The following ENOSF1 variants were observed in gnomAD, a reference collection of about 807,000 sequenced individuals.
ENOSF1 encodes mitochondrial enolase superfamily member 1.
In ENOSF1, 73 loss-of-function variants were observed where a neutral mutation model predicts 68.2. The ratio of observed to expected loss-of-function variants is 1.07; its 90% CI spans 0.89 to 1.30. The LOEUF (loss-of-function observed/expected upper bound fraction) is 1.30. Among genes scored for constraint, ENOSF1 ranks in the 50% most tolerant of loss-of-function variants. The pLI is 0.00. For missense variants in ENOSF1, 589 were observed against 554.5 expected (o/e 1.06, Z -0.62); for synonymous variants, 223 against 210.4 (o/e 1.06, Z -0.52).
Position 674,081 on chromosome 18 carries a change from G to A in ENOSF1, c.*224C>T. 5 of 404,530 alleles carry A rather than the reference G, an allele frequency of 1.2e-5. No individual in the cohort carries two copies. In the South Asian group the frequency reaches 2.0e-4, roughly 16 times the overall value. 25.1% of individuals were successfully genotyped at this position (404,530 alleles called of 1,614,324 possible). The stretch of plus-strand genomic sequence containing the variant: ...TGTAAGAACATCCTCCTGGACTTTG[G>A]GTTAGTTAAATCTAAACTTATTTAA... On this transcript the variant is annotated 3_prime_UTR_variant, in exon 16 of 16. Transcript: ENST00000647584.
intron 8 of ENOSF1, among the ~76,000 whole-genome samples, chr18:689,670 A>T (rs2076956128): frequency 6.6e-6 from 1 of 152,180 alleles, no homozygotes; most frequent in Admixed American, 6.6e-5. Flanking sequence ...GAAGGAATAT[A>T]TATTTTGTCT....
chr18:694,291 A>ACGGC lies in ENOSF1; in HGVS notation c.349_352dup (p.Val118GlyfsTer41), dbSNP rs1330766128. 1.2e-6 allele frequency: 2 copies of ACGGC among 1,614,158 alleles called. No individual in the cohort carries two copies. Among genetic ancestry groups the ACGGC allele is most frequent in the Admixed American group, 1.7e-5 (1 of 60,022 alleles). Reference sequence around the variant, plus strand: ...CCACAAGTCCCACACCGCGTTTAGGACGGCCGCTGTCGCCAGGTGCACCAC... The same window carrying ACGGC: ...CCACAAGTCCCACACCGCGTTTAGGACGGCCGGCCGCTGTCGCCAGGTGCACCAC... On this transcript the variant is annotated frameshift_variant, in exon 4 of 16. Transcript: ENST00000647584. LOFTEE classifies it high-confidence loss of function.
At chr18:702,155 C>G in intron 2 of ENOSF1, among the ~76,000 whole-genome samples, 1 of 145,178 alleles carries the variant, frequency 6.9e-6, no homozygotes, top group Non-Finnish European at 1.5e-5. Context: ...TCCCAGCTAC[C>G]TGGGAGGCTG....
intron 1 of ENOSF1, among the ~76,000 whole-genome samples, chr18:707,316 T>A (rs1436683690): frequency 6.6e-6 from 1 of 152,194 alleles, no homozygotes; most frequent in Non-Finnish European, 1.5e-5. Flanking sequence ...TGAGCCATCA[T>A]GCCCGGAAGG....
At chr18:705,448 A>G (rs914928608) in intron 2 of ENOSF1, among the ~76,000 whole-genome samples, 3 of 152,238 alleles carry the variant, frequency 2.0e-5, no homozygotes, top group Non-Finnish European at 4.4e-5. Context: ...CTTGCTGGGT[A>G]GCTGTCTGTG....
In ENOSF1 at chr18:671,324, A is replaced by C; in HGVS notation, c.*2981T>G. The C allele has an allele frequency of 8.9e-7, 1 of 1,117,644 alleles. No homozygotes were observed. Among genetic ancestry groups the C allele is most frequent in the Non-Finnish European group, 1.4e-6 (1 of 728,466 alleles). 69.2% of individuals were successfully genotyped at this position (1,117,644 alleles called of 1,614,324 possible). ...CTGCATATTCTAATGTTTTTAAATG[A>C]TGTTTTAAAGAATTGAAACTAACAT... is the stretch of plus-strand genomic sequence containing the variant. On this transcript the variant is annotated 3_prime_UTR_variant, in exon 16 of 16. Transcript: ENST00000647584.
downstream of ENOSF1, among the ~76,000 whole-genome samples, chr18:667,269 TGATGGTGATGG>T (rs1441303780): frequency 0.019 from 311 of 16,280 alleles, 54 homozygotes; most frequent in South Asian, 0.034. Context: ...ATGGAGATGG[TGATGGTGATGG>T]GATGGTGATG....
the ENOSF1 span, among the ~76,000 whole-genome samples, chr18:664,629 ATTCAGT>A: frequency 1.4e-5 from 2 of 141,126 alleles, no homozygotes; most frequent in African/African-American, 5.6e-5. Context: ...GTTTTTGCCC[ATTCAGT>A]ATGATATTGG....
chr18:700,956 G>GA (rs927470655), intron 2 of ENOSF1, among the ~76,000 whole-genome samples: 8 of 126,542 alleles, frequency 6.3e-5, no homozygotes, highest in East Asian at 2.3e-4. Context: ...ACTTGGAAAA[G>GA]AAAAAAAAGG....
At chr18:696,264 T>C (rs2077716864) in intron 3 of ENOSF1, among the ~76,000 whole-genome samples, 1 of 143,136 alleles carries the variant, frequency 7.0e-6, no homozygotes, top group Admixed American at 7.4e-5. Flanking sequence ...CAGGCTGGAG[T>C]GCAGTGGTGC....
Position 677,973 on chromosome 18 carries a change from TC to T in ENOSF1, c.919-102del, listed in dbSNP as rs111795835. The T allele has an allele frequency of 2.1e-4, 284 of 1,359,376 alleles. 1 individual carries two copies. The African/African-American group carries it at 3.5e-3, about 17-fold the overall frequency. The allele number at this position is 1,359,376 out of a possible 1,614,324, so 84.2% of individuals were successfully genotyped here. ...GCCACTCTATGCCAATAATTATTCA[TC>T]AGTGGCCGTCAGGAAGCCCAGACTG... On this transcript the variant is annotated intron_variant, in intron 12 of 15. Transcript: ENST00000647584.
At position 708,449 on chromosome 18, in the gene ENOSF1, T is replaced by C. The variant is rs778476173; in HGVS notation, c.85-1871A>G. Among the ~76,000 whole-genome samples, 10 of 152,142 alleles carry C rather than the reference T, an allele frequency of 6.6e-5. 1 individual carries two copies. The highest frequency in any genetic ancestry group is 6.5e-5 in the Admixed American group (1 of 15,270). Reference sequence around the variant, plus strand: ...ACTTTGGGAGGCCAAGACAGGAGGATTGTTTGAGCCCAGGAGTTCGAGACT... The same window carrying C: ...ACTTTGGGAGGCCAAGACAGGAGGACTGTTTGAGCCCAGGAGTTCGAGACT... On this transcript the variant is annotated intron_variant, in intron 1 of 15. Transcript: ENST00000647584.
intron 2 of ENOSF1, among the ~76,000 whole-genome samples, chr18:705,598 T>C (rs2847605): frequency 0.87 from 132,240 of 152,228 alleles, 57,503 homozygotes; most frequent in South Asian, 0.95. Context: ...GACGTATACA[T>C]GGCTCAGTAT....
chr18:674,440 A>T lies in ENOSF1; in HGVS notation c.1231-34T>A, dbSNP rs11081251. ...GACCAAAAAAATGAGTCCTGTTAAC[A>T]ACCACCTGGAACAAAAACAGATTTT... On this transcript the variant is annotated intron_variant, in intron 15 of 15. Coordinates refer to ENST00000647584, the MANE Select transcript of ENOSF1 (RefSeq NM_017512.7). 2.2e-6 allele frequency: 3 copies of T among 1,373,064 alleles called. No individual in the cohort carries two copies. The African/African-American group carries it at 4.3e-5, about 20-fold the overall frequency. The allele number at this position is 1,373,064 out of a possible 1,614,324, so 85.1% of individuals were successfully genotyped here. A position where few individuals can be genotyped will look rare whatever the true frequency, so the allele number is the denominator to read the frequency against.
At position 685,971 on chromosome 18, in the gene ENOSF1, T is replaced by C. The variant is rs376011327; in HGVS notation, c.691A>G (p.Met231Val). 11 of 1,614,062 alleles carry C rather than the reference T, an allele frequency of 6.8e-6. No homozygotes were observed. The South Asian group carries it at 7.7e-5, about 11-fold the overall frequency. Residue 231 changes from methionine (M) to valine (V), a missense_variant, in exon 10 of 16, where the codon ATG becomes GTG. Met to Val is a conservative substitution (Grantham distance 21). Transcript: ENST00000647584. ...VKVGADLQDD[M>V]RRCQIIRDMI... Reference sequence around the variant, plus strand: ...TCTCGGATGATTTGGCATCTTCGCATGTCATCCTGGAGATCAGCACCCACC... The same window carrying C: ...TCTCGGATGATTTGGCATCTTCGCACGTCATCCTGGAGATCAGCACCCACC...
At chr18:676,719 C>T (rs543096380) in intron 14 of ENOSF1, among the ~76,000 whole-genome samples, 4 of 152,332 alleles carry the variant, frequency 2.6e-5, no homozygotes, top group African/African-American at 9.6e-5. Flanking sequence ...CACTACCCCC[C>T]TGAAGAGAAA....
At position 679,335 on chromosome 18, in the gene ENOSF1, G is replaced by A. The variant is rs538091887; in HGVS notation, c.877-598C>T. ...AGCGATTCTCGTGCCTCAGCCTCCT[G>A]AGTAGCTGGGATTAGAGGTGCACGC... On this transcript the variant is annotated intron_variant, in intron 11 of 15. Coordinates refer to ENST00000647584, the MANE Select transcript of ENOSF1 (RefSeq NM_017512.7). 1.8e-4 allele frequency among the ~76,000 whole-genome samples: 27 copies of A among 150,694 alleles called. No individual in the cohort carries two copies. In the East Asian group the frequency reaches 4.3e-3, roughly 24 times the overall value.
In ENOSF1 at chr18:680,676, GTTT is replaced by G. The variant is rs33931715; in HGVS notation, c.877-1942_877-1940del. 7.0e-3 allele frequency among the ~76,000 whole-genome samples: 709 copies of G among 101,022 alleles called. 5 individuals carry two copies. Among genetic ancestry groups the G allele is most frequent in the African/African-American group, 0.026 (607 of 23,480 alleles). The allele number at this position is 101,022 out of a possible 152,430, so 66.3% of individuals were successfully genotyped here. A position where few individuals can be genotyped will look rare whatever the true frequency, so the allele number is the denominator to read the frequency against. ...GCTTCAGCTGTCACTATGCTGTTGT[GTTT>G]TTTTTTTTTTTTTTTTTTTGAGATG... On this transcript the variant is annotated intron_variant, in intron 11 of 15. Transcript: ENST00000647584.
At chr18:706,187 G>T (rs1373047480) in intron 2 of ENOSF1, among the ~76,000 whole-genome samples, 5 of 152,154 alleles carry the variant, frequency 3.3e-5, no homozygotes, top group Admixed American at 2.6e-4. Context: ...AAGCATCCTT[G>T]TAGCTGTCAT....
Sources: allele counts gnomAD v4.1 joint callset (sites outside exome capture counted in the v4.1 genomes callset), GRCh38; gene constraint gnomAD v4.1.1; transcripts MANE v1.5; gene names NCBI Gene and HGNC (gene_info 2026-07-23, HGNC 2026-07-21).